The following TIAM2 variants were observed in gnomAD, a reference collection of about 807,000 sequenced individuals.
TIAM2 encodes the protein rho guanine nucleotide exchange factor TIAM2.
TIAM2 carries 80 observed loss-of-function variants against 152.9 expected under a neutral mutation model. The ratio of observed to expected loss-of-function variants is 0.52; its 90% CI spans 0.44 to 0.63. TIAM2 has a LOEUF of 0.63. Ranked by LOEUF, TIAM2 falls within the 30% of genes least tolerant of loss-of-function variation. The pLI is 0.00. For synonymous variants in TIAM2, 804 were observed against 838.0 expected (o/e 0.96, Z 0.70); for missense variants, 1,965 against 2,120.1 (o/e 0.93, Z 1.44).
intron 1 of TIAM2, among the ~76,000 whole-genome samples, chr6:155,045,050 CTTT>C (rs200620585): frequency 1.5e-5 from 2 of 132,050 alleles, no homozygotes; most frequent in African/African-American, 2.8e-5. Context: ...TTTTCTTTTT[CTTT>C]TTTTTTTTTT....
At chr6:155,148,775 T>C (rs1320541281) in intron 7 of TIAM2, among the ~76,000 whole-genome samples, 1 of 152,206 alleles carries the variant, frequency 6.6e-6, no homozygotes, top group Non-Finnish European at 1.5e-5. Flanking sequence ...AAAACAGTAA[T>C]TTTTCTGGTT....
At chr6:155,189,582 TCA>T (rs1442272395) in intron 14 of TIAM2, among the ~76,000 whole-genome samples, 2 of 152,228 alleles carry the variant, frequency 1.3e-5, no homozygotes, top group East Asian at 3.8e-4. Context: ...TTTCTTATTC[TCA>T]GTCATTTATT....
rs1247694013 is a variant in TIAM2 at position 155,214,050 on chromosome 6, C to A, written c.3168+2743C>A. Among the ~76,000 whole-genome samples the A allele has an allele frequency of 6.6e-6, 1 of 152,342 alleles. No individual in the cohort carries two copies. The highest frequency in any genetic ancestry group is 1.9e-4 in the East Asian group (1 of 5,186). On this transcript the variant is annotated intron_variant, in intron 15 of 26. Coordinates refer to ENST00000682666, the MANE Select transcript of TIAM2 (RefSeq NM_012454.4). This position sits in a 1 kb window ranked among gnomAD's most constrained non-coding sequence, Gnocchi z 5.4. ...TGCAGCAGTACCCGGGAGGGCGGGG[C>A]TCCTTCCTGCTCCTGGCCCCCAAGA...
intron 1 of TIAM2, among the ~76,000 whole-genome samples, chr6:155,012,166 G>A (rs1274520611): frequency 6.6e-6 from 1 of 152,050 alleles, no homozygotes; most frequent in Non-Finnish European, 1.5e-5. Context: ...TTTCCTTATG[G>A]CCAGTTTATT....
rs1781783123 is a variant in TIAM2, at chr6:155,213,802, G to A, written c.3168+2495G>A. Among the ~76,000 whole-genome samples the A allele has an allele frequency of 6.6e-6, 1 of 152,240 alleles. No homozygotes were observed. Among genetic ancestry groups the A allele is most frequent in the African/African-American group, 2.4e-5 (1 of 41,464 alleles). On this transcript the variant is annotated intron_variant, in intron 15 of 26. Transcript: ENST00000682666. The surrounding 1 kb of genome is among the most constrained non-coding windows in gnomAD (Gnocchi z 4.2). ...CTCATTGGTGCCCAAAGTACAGCAG[G>A]GGGCTGGCATGTCAGCGCTGCCCTG...
intron 2 of TIAM2, among the ~76,000 whole-genome samples, chr6:155,123,232 G>A (rs1252445143): frequency 1.3e-5 from 2 of 150,484 alleles, no homozygotes; most frequent in Admixed American, 1.3e-4. Context: ...TTGCACATTT[G>A]GTCAGCATTA....
intron 1 of TIAM2, among the ~76,000 whole-genome samples, chr6:155,084,550 A>G (rs906631392): frequency 5.3e-5 from 8 of 152,318 alleles, no homozygotes; most frequent in African/African-American, 1.9e-4. Context: ...AGTGAACAAA[A>G]TGGGTATACC....
chr6:155,031,379 AAT>A (rs1776817489), intron 1 of TIAM2, among the ~76,000 whole-genome samples: 1 of 152,174 alleles, frequency 6.6e-6, no homozygotes, highest in Non-Finnish European at 1.5e-5. Context: ...ATTTATCTGT[AAT>A]ATTTTTTAGT....
Position 155,058,230 on chromosome 6 carries a change from C to T in TIAM2, c.-208-32059C>T, listed in dbSNP as rs551276576. Among the ~76,000 whole-genome samples the T allele has an allele frequency of 2.6e-5, 4 of 152,244 alleles. No individual in the cohort carries two copies. In the East Asian group the frequency reaches 7.7e-4, roughly 29 times the overall value. On this transcript the variant is annotated intron_variant, in intron 1 of 26. Coordinates refer to ENST00000682666, the MANE Select transcript of TIAM2 (RefSeq NM_012454.4). ...AATGGGATGTTGGTATTTCTGTCTACATGTATTTTAATGTGTATTTCCTGT... is the reference window on the plus strand; with the variant it reads ...AATGGGATGTTGGTATTTCTGTCTATATGTATTTTAATGTGTATTTCCTGT...
rs900172899 is a variant in TIAM2 at position 155,028,427 on chromosome 6, AAT to A, written c.-209+32943_-209+32944del. Among the ~76,000 whole-genome samples, 3 of 123,446 alleles carry A rather than the reference AAT, an allele frequency of 2.4e-5. 1 individual carries two copies. The highest frequency in any genetic ancestry group is 5.5e-5 in the African/African-American group (2 of 36,120). 81.0% of individuals were successfully genotyped at this position (123,446 alleles called of 152,430 possible). ...ATACTGTGTTACATATACTACATAT[AAT>A]ATATATACTGTGTTACATATACTAC... is the stretch of plus-strand genomic sequence containing the variant. On this transcript the variant is annotated intron_variant, in intron 1 of 26. Coordinates refer to ENST00000682666, the MANE Select transcript of TIAM2 (RefSeq NM_012454.4).
At chr6:155,240,299 A>G (rs1159955904) in intron 15 of TIAM2, among the ~76,000 whole-genome samples, 1 of 152,272 alleles carries the variant, frequency 6.6e-6, no homozygotes, top group Non-Finnish European at 1.5e-5. Context: ...TGATGTGACA[A>G]TGGAGAGCCT....
chr6:155,205,714 G>A (rs1306257421), intron 14 of TIAM2, among the ~76,000 whole-genome samples: 1 of 152,140 alleles, frequency 6.6e-6, no homozygotes, highest in East Asian at 1.9e-4. Context: ...ATGCTGGCAG[G>A]GACACCACCA....
At chr6:155,005,571 C>A (rs558330205) in intron 1 of TIAM2, among the ~76,000 whole-genome samples, 1 of 152,074 alleles carries the variant, frequency 6.6e-6, no homozygotes, top group East Asian at 1.9e-4. Context: ...AACTTCTGAC[C>A]TCAAGTGATC....
rs899751073 is a variant in TIAM2, at chr6:155,221,814, T to G, written c.3168+10507T>G. On this transcript the variant is annotated intron_variant, in intron 15 of 26. Transcript: ENST00000682666. The stretch of plus-strand genomic sequence containing the variant: ...TTATTTCCTTTCTGGGCTTCTGAAT[T>G]AGAGATGGAGCTATGGAGACCTTGA... 2.6e-5 allele frequency among the ~76,000 whole-genome samples: 4 copies of G among 152,124 alleles called. No homozygotes were observed. In the South Asian group the frequency reaches 8.3e-4, roughly 32 times the overall value.
intron 2 of TIAM2, chr6:155,121,982 A>G (rs1350373386): frequency 1.3e-5 from 2 of 152,364 alleles, no homozygotes; most frequent in Non-Finnish European, 2.9e-5. Context: ...AAGCAGAGGC[A>G]GACGATTCTA....
At chr6:155,075,501 A>G (rs1170573209) in intron 1 of TIAM2, among the ~76,000 whole-genome samples, 1 of 152,212 alleles carries the variant, frequency 6.6e-6, no homozygotes, top group Non-Finnish European at 1.5e-5. Context: ...GAATGAGGTG[A>G]GAACAAGATT....
At chr6:155,032,264 T>C (rs1776839553) in intron 1 of TIAM2, among the ~76,000 whole-genome samples, 1 of 152,184 alleles carries the variant, frequency 6.6e-6, no homozygotes, top group African/African-American at 2.4e-5. Flanking sequence ...GAATTAAAGT[T>C]TGGAAAGCTT....
At chr6:155,070,832 A>G (rs1429716952) in intron 1 of TIAM2, among the ~76,000 whole-genome samples, 1 of 152,300 alleles carries the variant, frequency 6.6e-6, no homozygotes, top group East Asian at 1.9e-4. Context: ...GTGTGTCTAC[A>G]TGACTGACCC....
chr6:155,209,408 T>C (rs1237484900), intron 14 of TIAM2, among the ~76,000 whole-genome samples: 2 of 152,156 alleles, frequency 1.3e-5, no homozygotes, highest in African/African-American at 2.4e-5. Context: ...AGCCAAGGTA[T>C]ACACATCAGA....
Sources: allele counts gnomAD v4.1 joint callset (sites outside exome capture counted in the v4.1 genomes callset), GRCh38; gene constraint gnomAD v4.1.1; non-coding constraint Gnocchi (gnomAD v3.1); transcripts MANE v1.5; gene names NCBI Gene and HGNC (gene_info 2026-07-23, HGNC 2026-07-21).